The following DMD variants were observed in gnomAD, a reference collection of about 807,000 sequenced individuals.
DMD encodes dystrophin.
Under a neutral mutation model 330.1 loss-of-function variants are expected in DMD, and 63 were observed. That is an observed-to-expected ratio of 0.19 (90% CI 0.16 to 0.24). The LOEUF is 0.24. DMD is among the 10% of genes least tolerant of loss of function. DMD has a pLI of 1.00. For synonymous variants in DMD, 1,223 were observed against 959.8 expected (o/e 1.27, Z -5.07); for missense variants, 3,344 against 2,684.1 (o/e 1.25, Z -5.43).
chrX:31,841,307 T>C (rs947787009), intron 48 of DMD, among the ~76,000 whole-genome samples: 1 of 111,665 alleles, frequency 9.0e-6, no homozygotes, highest in East Asian at 2.8e-4. Flanking sequence ...AGAAGAAAAG[T>C]TGGAAGCCAG....
At chrX:32,332,630 C>T (rs2009317406) in intron 41 of DMD, among the ~76,000 whole-genome samples, 1 of 110,214 alleles carries the variant, frequency 9.1e-6, no homozygotes, top group South Asian at 3.8e-4. Context: ...ATAGGTGGAG[C>T]AGAGGAAAGT....
At chrX:31,153,774 C>T (rs953877730) in intron 74 of DMD, among the ~76,000 whole-genome samples, 8 of 111,904 alleles carry the variant, frequency 7.1e-5, no homozygotes, top group Non-Finnish European at 1.3e-4. Context: ...ACAGAAACCT[C>T]TTATTAAGCT....
chrX:32,681,705 C>T (rs1302788931), intron 9 of DMD, among the ~76,000 whole-genome samples: 1 of 111,750 alleles, frequency 8.9e-6, no homozygotes, highest in Non-Finnish European at 1.9e-5. Context: ...CTTTATGTAC[C>T]TAGTATATAT....
intron 2 of DMD, among the ~76,000 whole-genome samples, chrX:32,860,102 T>C (rs2081961870): frequency 9.0e-6 from 1 of 111,495 alleles, no homozygotes; most frequent in African/African-American, 3.3e-5. Flanking sequence ...TAGTATGAAA[T>C]AAAGAAATAC....
chrX:31,914,250 T>C (rs915488551), intron 47 of DMD, among the ~76,000 whole-genome samples: 24 of 111,301 alleles, frequency 2.2e-4, no homozygotes, highest in Admixed American at 9.6e-5. Flanking sequence ...GGAGAGAATG[T>C]GGAGAAAAGG....
intron 44 of DMD, among the ~76,000 whole-genome samples, chrX:32,025,568 G>C (rs1042380650): frequency 8.9e-6 from 1 of 112,007 alleles, no homozygotes; most frequent in Non-Finnish European, 1.9e-5. Flanking sequence ...ACAATATTAG[G>C]TGTGCAGAAT....
intron 20 of DMD, among the ~76,000 whole-genome samples, chrX:32,489,369 G>A (rs2042777743): frequency 9.1e-6 from 1 of 110,409 alleles, no homozygotes; most frequent in South Asian, 4.0e-4. Flanking sequence ...TAATCCCTTA[G>A]GGATTGGTGG....
chrX:31,510,752 G>T (rs770859021), intron 55 of DMD, among the ~76,000 whole-genome samples: 1 of 109,813 alleles, frequency 9.1e-6, no homozygotes, highest in Non-Finnish European at 1.9e-5. Flanking sequence ...CTCGTGATCC[G>T]CCCACCTTGG....
At chrX:31,560,763 AT>A (rs1391225732) in intron 55 of DMD, among the ~76,000 whole-genome samples, 1 of 107,592 alleles carries the variant, frequency 9.3e-6, no homozygotes, top group Admixed American at 1.0e-4. Flanking sequence ...CTTCCACTTA[AT>A]TAATAGTAAA....
chrX:32,528,598 G>C (rs920723946), intron 17 of DMD, among the ~76,000 whole-genome samples: 1 of 111,306 alleles, frequency 9.0e-6, no homozygotes, highest in African/African-American at 3.3e-5. Flanking sequence ...GGCCAAGAAG[G>C]GAAGTGGGGG....
chrX:32,829,076 T>G (rs1283249697), intron 4 of DMD, among the ~76,000 whole-genome samples: 1 of 111,822 alleles, frequency 8.9e-6, no homozygotes, highest in Non-Finnish European at 1.9e-5. Flanking sequence ...TCAACAAAAT[T>G]TTGTATTTCA....
At chrX:31,415,905 G>A (rs980111366) in intron 60 of DMD, among the ~76,000 whole-genome samples, 1 of 110,904 alleles carries the variant, frequency 9.0e-6, no homozygotes, top group African/African-American at 3.3e-5. Flanking sequence ...TGTGGTCTGC[G>A]CTTTAGGCCT....
intron 33 of DMD, among the ~76,000 whole-genome samples, chrX:32,384,345 AT>A (rs1569560567): frequency 1.0e-5 from 1 of 100,247 alleles, no homozygotes; most frequent in Non-Finnish European, 2.1e-5. Flanking sequence ...ACAATGATAA[AT>A]TTCTCTAGAG....
intron 2 of DMD, among the ~76,000 whole-genome samples, chrX:32,973,860 G>A (rs768070994): frequency 5.5e-4 from 61 of 111,197 alleles, no homozygotes; most frequent in African/African-American, 1.4e-3. Context: ...ACCCCAAAAT[G>A]TTTTCTTAAT....
At chrX:32,515,219 A>G (rs1384074523) in intron 18 of DMD, among the ~76,000 whole-genome samples, 1 of 111,366 alleles carries the variant, frequency 9.0e-6, no homozygotes, top group Non-Finnish European at 1.9e-5. Context: ...AGAGTGTGGG[A>G]AAGCAGAGGA....
intron 9 of DMD, among the ~76,000 whole-genome samples, chrX:32,694,042 G>A (rs1038096872): frequency 1.1e-4 from 12 of 111,895 alleles, no homozygotes; most frequent in African/African-American, 3.6e-4. Context: ...CAATCATCAT[G>A]TTATTTGAAC....
At chrX:32,716,086 G>C (rs1476389268) in intron 7 of DMD, among the ~76,000 whole-genome samples, 3 of 110,982 alleles carry the variant, frequency 2.7e-5, no homozygotes, top group Admixed American at 1.9e-4. Context: ...TATAATATTG[G>C]CTAGGTTCTC....
At chrX:32,841,579 T>G (rs1373088189) in intron 4 of DMD, among the ~76,000 whole-genome samples, 1 of 111,820 alleles carries the variant, frequency 8.9e-6, no homozygotes, top group Non-Finnish European at 1.9e-5. Flanking sequence ...ATGACACACT[T>G]AGTACTGTGA....
chrX:31,128,982 AT>A (rs935393313), intron 77 of DMD, among the ~76,000 whole-genome samples: 6 of 110,392 alleles, frequency 5.4e-5, no homozygotes, highest in South Asian at 3.8e-4. Context: ...CTAAACATTT[AT>A]TTTTTTTTGG....
Sources: gnomAD v4.1 joint callset for allele counts (sites outside exome capture counted in the v4.1 genomes callset) on GRCh38, gnomAD v4.1.1 for gene constraint, MANE v1.5 for transcripts, NCBI Gene and HGNC (gene_info 2026-07-23, HGNC 2026-07-21) for gene names.